Variants in PTPRD observed in about 807,000 individuals in gnomAD.
PTPRD encodes receptor-type tyrosine-protein phosphatase delta.
A neutral mutation model predicts 214.5 loss-of-function variants in PTPRD; 34 were observed. The ratio of observed to expected loss-of-function variants is 0.16; its 90% CI spans 0.12 to 0.21. PTPRD has a LOEUF of 0.21. PTPRD is among the 10% of genes least tolerant of loss of function. PTPRD has a pLI of 1.00. For synonymous variants in PTPRD, 1,128 were observed against 845.7 expected, an observed-to-expected ratio of 1.33 and a Z score of -5.79; for missense variants, 2,545 against 2,398.7, an observed-to-expected ratio of 1.06 and a Z score of -1.27.
chr9:10,250,900 C>A (rs2092702823), intron 3 of PTPRD, among the ~76,000 whole-genome samples: 1 of 151,792 alleles, frequency 6.6e-6, no homozygotes, highest in African/African-American at 2.4e-5. Context: ...TGTTTGTATA[C>A]TGGCATCCAC....
intron 5 of PTPRD, among the ~76,000 whole-genome samples, chr9:9,842,778 A>G (rs1415406083): frequency 6.6e-6 from 1 of 151,798 alleles, no homozygotes; most frequent in South Asian, 2.1e-4. Flanking sequence ...CACACAGTCC[A>G]CATGATGTGG....
At chr9:8,724,273 G>T (rs1364223306) in intron 12 of PTPRD, among the ~76,000 whole-genome samples, 1 of 152,136 alleles carries the variant, frequency 6.6e-6, no homozygotes, top group Non-Finnish European at 1.5e-5. Flanking sequence ...TCTTAACATG[G>T]TTTTCTCCTT....
chr9:9,989,717 T>C (rs1001724609), intron 4 of PTPRD, among the ~76,000 whole-genome samples: 8 of 152,284 alleles, frequency 5.3e-5, no homozygotes, highest in Admixed American at 6.5e-5. Context: ...ATTTAAGCAA[T>C]CCATGGATGG....
At chr9:8,495,314 T>A (rs1381744923) in intron 26 of PTPRD, among the ~76,000 whole-genome samples, 1 of 152,212 alleles carries the variant, frequency 6.6e-6, no homozygotes, top group East Asian at 1.9e-4. Context: ...CCTCTTTCTC[T>A]TCCTCAGTTC....
intron 10 of PTPRD, among the ~76,000 whole-genome samples, chr9:9,086,777 T>A (rs1404958623): frequency 6.6e-6 from 1 of 152,044 alleles, no homozygotes; most frequent in Admixed American, 6.6e-5. Flanking sequence ...AATGCTTTTT[T>A]AAAATGTGAA....
chr9:8,585,168 T>C (rs1174005644), intron 14 of PTPRD, among the ~76,000 whole-genome samples: 1 of 152,186 alleles, frequency 6.6e-6, no homozygotes, highest in Admixed American at 6.5e-5. Context: ...ACGTAGATCT[T>C]CAAATATGAA....
At chr9:9,991,433 C>T (rs1176213425) in intron 4 of PTPRD, among the ~76,000 whole-genome samples, 2 of 151,636 alleles carry the variant, frequency 1.3e-5, no homozygotes, top group African/African-American at 2.4e-5. Flanking sequence ...GTGATCTCAG[C>T]TCACTGCAAC....
intron 7 of PTPRD, among the ~76,000 whole-genome samples, chr9:9,578,366 T>A (rs991595298): frequency 3.3e-5 from 5 of 152,080 alleles, no homozygotes; most frequent in Admixed American, 1.3e-4. Flanking sequence ...ATCTATGATG[T>A]AGTGTTTGGA....
At chr9:10,205,702 G>A (rs895304591) in intron 3 of PTPRD, among the ~76,000 whole-genome samples, 3 of 152,072 alleles carry the variant, frequency 2.0e-5, no homozygotes, top group African/African-American at 4.8e-5. Context: ...ACCATGCCCG[G>A]CCTGCTTCAT....
intron 9 of PTPRD, among the ~76,000 whole-genome samples, chr9:9,275,707 G>A (rs1594998010): frequency 1.3e-5 from 2 of 151,246 alleles, no homozygotes; most frequent in East Asian, 3.9e-4. Flanking sequence ...ACACTAAAAT[G>A]TATTCAAATG....
chr9:9,578,094 A>G (rs2089586584), intron 7 of PTPRD, among the ~76,000 whole-genome samples: 1 of 148,504 alleles, frequency 6.7e-6, no homozygotes. Context: ...TACTTCTCTC[A>G]TTTGTACTAC....
intron 3 of PTPRD, among the ~76,000 whole-genome samples, chr9:10,254,851 T>A (rs1407147406): frequency 1.3e-5 from 2 of 152,200 alleles, no homozygotes; most frequent in Non-Finnish European, 2.9e-5. Context: ...AGGAGACTCA[T>A]GATAAGCAGC....
At chr9:8,592,952 G>C (rs2094222245) in intron 14 of PTPRD, among the ~76,000 whole-genome samples, 1 of 152,144 alleles carries the variant, frequency 6.6e-6, no homozygotes, top group Admixed American at 6.6e-5. Context: ...AAATATGAAA[G>C]CAATTTCCAA....
At chr9:8,626,612 T>A (rs1320125834) in intron 14 of PTPRD, among the ~76,000 whole-genome samples, 1 of 151,724 alleles carries the variant, frequency 6.6e-6, no homozygotes, top group East Asian at 1.9e-4. Flanking sequence ...CAGATTGCCC[T>A]CCCTAATGTG....
At chr9:9,179,401 C>G (rs1277944253) in intron 10 of PTPRD, among the ~76,000 whole-genome samples, 2 of 152,030 alleles carry the variant, frequency 1.3e-5, no homozygotes, top group Non-Finnish European at 2.9e-5. Flanking sequence ...TTAGCTTGAT[C>G]CAATTATGAA....
intron 9 of PTPRD, among the ~76,000 whole-genome samples, chr9:9,353,290 A>G (rs2052234597): frequency 6.6e-6 from 1 of 151,974 alleles, no homozygotes. Flanking sequence ...ATGTATAAAA[A>G]TGTTGTATTT....
intron 4 of PTPRD, among the ~76,000 whole-genome samples, chr9:9,998,787 T>A (rs1043391402): frequency 1.3e-5 from 2 of 152,170 alleles, no homozygotes; most frequent in Non-Finnish European, 2.9e-5. Context: ...CCACTTGAGA[T>A]AAGCGAGGGA....
chr9:8,721,429 C>CAAAAA (rs35721977), intron 12 of PTPRD, among the ~76,000 whole-genome samples: 1 of 97,330 alleles, frequency 1.0e-5, no homozygotes, highest in African/African-American at 3.6e-5. Context: ...GACTCCATTT[C>CAAAAA]AAAAAAAAAA....
At position 9,769,015 on chromosome 9, in the gene PTPRD, G is replaced by A. The variant is rs2098729390; in HGVS notation, c.-367-2164C>T. 2.0e-5 allele frequency among the ~76,000 whole-genome samples: 3 copies of A among 152,110 alleles called. No individual in the cohort carries two copies. In the South Asian group the frequency reaches 6.2e-4, roughly 32 times the overall value. On this transcript the variant is annotated intron_variant, in intron 5 of 45. Transcript: ENST00000381196. ...CTAGGATGGGAATAAGTTATAGAAC[G>A]AAGGAAAGGAGGAGGCATATTTACT...
Sources: gnomAD v4.1 joint callset for allele counts (sites outside exome capture counted in the v4.1 genomes callset) on GRCh38, gnomAD v4.1.1 for gene constraint, MANE v1.5 for transcripts, NCBI Gene and HGNC (gene_info 2026-07-23, HGNC 2026-07-21) for gene names.